Variants in RTN4 observed in about 807,000 individuals in gnomAD.
The protein encoded by RTN4 is reticulon-4.
In RTN4, 32 loss-of-function variants were observed where a neutral mutation model predicts 90.4. The observed-to-expected ratio is 0.35, with a 90% confidence interval of 0.27 to 0.48. The LOEUF is 0.48. Among genes scored for constraint, RTN4 ranks in the 20% least tolerant of loss-of-function variants. The pLI is 0.99. For synonymous variants in RTN4, 629 were observed against 552.5 expected, an observed-to-expected ratio of 1.14 and a Z score of -1.94; for missense variants, 1,706 against 1,430.2, an observed-to-expected ratio of 1.19 and a Z score of -3.11.
Position 55,025,589 on chromosome 2 carries a change from G to C in RTN4, c.2510C>G (p.Thr837Ser), listed in dbSNP as rs777540802. Reference protein sequence around the residue: ...KIPLQMEELSTAVYSNDDLFI... With the variant: ...KIPLQMEELSSAVYSNDDLFI... ...TAAGTCATCATTTGAATAAACTGCA[G>C]TACTGAGCTCCTCCATCTGCAAAGG... The change falls in exon 3 of 9, where the codon ACT becomes AGT. Residue 837 changes from threonine to serine, a missense_variant. Transcript: ENST00000337526. The C allele has an allele frequency of 2.5e-6, 4 of 1,613,646 alleles. No homozygotes were observed. In the South Asian group the frequency reaches 4.4e-5, roughly 18 times the overall value.
At chr2:55,049,517 G>A in intron 1 of RTN4, 1 of 689,638 alleles carries the variant, frequency 1.5e-6, no homozygotes, top group Non-Finnish European at 2.5e-6. Flanking sequence ...CGGGAGCGGT[G>A]CACGTGTTCC....
At chr2:54,979,990 T>A (rs1377299766) in intron 5 of RTN4, among the ~76,000 whole-genome samples, 1 of 152,162 alleles carries the variant, frequency 6.6e-6, no homozygotes, top group Non-Finnish European at 1.5e-5. Flanking sequence ...ATAATTTTAA[T>A]GAAAGTCCTT....
rs539741630 is a variant in RTN4 at position 55,005,727 on chromosome 2, T to C, written c.3014-18029A>G. ...ATATTTGGAAATATTTTGGAATACT[T>C]GCATATACGTAATGAGGTATCTTGG... is the stretch of plus-strand genomic sequence containing the variant. On this transcript the variant is annotated intron_variant, in intron 3 of 8. Transcript: ENST00000337526. Among the ~76,000 whole-genome samples the C allele has an allele frequency of 3.9e-5, 6 of 152,294 alleles. No individual in the cohort carries two copies. The South Asian group carries it at 1.2e-3, about 32-fold the overall frequency.
intron 3 of RTN4, among the ~76,000 whole-genome samples, chr2:54,998,722 G>A (rs192425135): frequency 1.3e-5 from 2 of 152,060 alleles, no homozygotes; most frequent in African/African-American, 4.8e-5. Flanking sequence ...TTTTAGAACA[G>A]AAACATTTAA....
chr2:55,107,202 A>T (rs79492546), intron 1 of RTN4, among the ~76,000 whole-genome samples: 2 of 146,632 alleles, frequency 1.4e-5, no homozygotes, highest in Non-Finnish European at 3.0e-5. Flanking sequence ...AGTTGCGTGT[A>T]TTTTTTTTTT....
At position 55,029,007 on chromosome 2, in the gene RTN4, T is replaced by C. The variant is rs6709600; in HGVS notation, c.557-787A>G. 8.0e-3 allele frequency among the ~76,000 whole-genome samples: 1,221 copies of C among 152,266 alleles called. 14 individuals carry two copies. The highest frequency in any genetic ancestry group is 0.028 in the African/African-American group (1,169 of 41,546). ...GTTAAAGCCCCAACCCCTAAAGTGA[T>C]AGTATCTGAAGATGGGGACTTTGGG... On this transcript the variant is annotated intron_variant, in intron 1 of 8. Coordinates refer to ENST00000337526, the MANE Select transcript of RTN4 (RefSeq NM_020532.5).
intron 2 of RTN4, among the ~76,000 whole-genome samples, chr2:55,069,105 G>C (rs575897624): frequency 6.6e-6 from 1 of 152,226 alleles, no homozygotes; most frequent in Non-Finnish European, 1.5e-5. Context: ...GGACCTTGCA[G>C]ACTTTCTGAA....
chr2:55,128,332 G>A, the RTN4 span, among the ~76,000 whole-genome samples: 1 of 152,116 alleles, frequency 6.6e-6, no homozygotes, highest in Admixed American at 6.5e-5. Flanking sequence ...CCCTCCTAGG[G>A]TGGAAGACAA....
chr2:54,989,321 G>C (rs987129561), intron 3 of RTN4, among the ~76,000 whole-genome samples: 4 of 152,104 alleles, frequency 2.6e-5, no homozygotes, highest in African/African-American at 9.7e-5. Context: ...ATATGATTTC[G>C]AAGTTTGTTT....
At position 55,027,493 on chromosome 2, in the gene RTN4, C is replaced by A. The variant is rs1003277003; in HGVS notation, c.614-8G>T. ...CCTTCAAGTCCATATTTTCTGTGACCATGGACAGAAAGGAAAGTTAGAGAA... is the reference window on the plus strand; with the variant it reads ...CCTTCAAGTCCATATTTTCTGTGACAATGGACAGAAAGGAAAGTTAGAGAA... On this transcript the variant is annotated splice_polypyrimidine_tract_variant and splice_region_variant and intron_variant, in intron 2 of 8. Coordinates refer to ENST00000337526, the MANE Select transcript of RTN4 (RefSeq NM_020532.5). 1.3e-6 allele frequency: 2 copies of A among 1,583,680 alleles called. No individual in the cohort carries two copies. Among genetic ancestry groups the A allele is most frequent in the African/African-American group, 2.7e-5 (2 of 73,472 alleles).
intron 2 of RTN4, among the ~76,000 whole-genome samples, chr2:55,071,750 A>G (rs980323866): frequency 6.6e-6 from 1 of 152,188 alleles, no homozygotes; most frequent in African/African-American, 2.4e-5. Context: ...AAAAACCACA[A>G]ACAAAACCCC....
intron 3 of RTN4, among the ~76,000 whole-genome samples, chr2:55,019,212 T>C (rs1368790452): frequency 6.6e-6 from 1 of 152,080 alleles, no homozygotes; most frequent in Non-Finnish European, 1.5e-5. Flanking sequence ...GAAATGGAGG[T>C]CTGCTGCTTA....
At chr2:55,011,141 C>A (rs918026750) in intron 3 of RTN4, among the ~76,000 whole-genome samples, 11 of 152,060 alleles carry the variant, frequency 7.2e-5, no homozygotes. Context: ...CTCAAGAGAT[C>A]CTCCCATCTC....
At chr2:55,127,542 C>A in the RTN4 span, among the ~76,000 whole-genome samples, 1,906 of 152,290 alleles carry the variant, frequency 0.013, 88 homozygotes, top group Admixed American at 0.092. Context: ...ACGCTAAGTC[C>A]ATATTATACT....
chr2:55,055,982 GTGTT>G (rs1332423478), intron 2 of RTN4, among the ~76,000 whole-genome samples: 48 of 55,774 alleles, frequency 8.6e-4, no homozygotes, highest in African/African-American at 4.0e-3. Context: ...ATACATATAT[GTGTT>G]TGTGTGTGTG....
chr2:55,117,730 C>T, the RTN4 span, among the ~76,000 whole-genome samples: 2 of 152,038 alleles, frequency 1.3e-5, no homozygotes, highest in Non-Finnish European at 2.9e-5. Context: ...CAAGAATAGG[C>T]AAACTACTCT....
chr2:54,987,707 T>C lies in RTN4; in HGVS notation c.3014-9A>G. The C allele has an allele frequency of 1.3e-6, 2 of 1,599,014 alleles. No individual in the cohort carries two copies. The highest frequency in any genetic ancestry group is 1.1e-5 in the South Asian group (1 of 89,558). ...GTACAGGAGGTCAACAACTAAAAAT[T>C]GAAAAAGAAATCTGAAATTAGAATG... On this transcript the variant is annotated splice_polypyrimidine_tract_variant and intron_variant, in intron 3 of 8. Coordinates refer to ENST00000337526, the MANE Select transcript of RTN4 (RefSeq NM_020532.5).
chr2:54,972,326 GATA>G lies in RTN4; in HGVS notation c.*827_*829del, dbSNP rs1234889248. Reference sequence around the variant, plus strand: ...AATAATTTCTTGCATAACAATGTTTGATATTTGCAAACAAACAACATTTTTGGA... The same window carrying G: ...AATAATTTCTTGCATAACAATGTTTGTTTGCAAACAAACAACATTTTTGGA... On this transcript the variant is annotated 3_prime_UTR_variant, in exon 9 of 9. Coordinates refer to ENST00000337526, the MANE Select transcript of RTN4 (RefSeq NM_020532.5). 5 of 152,712 alleles carry G rather than the reference GATA, an allele frequency of 3.3e-5. No individual in the cohort carries two copies. The highest frequency in any genetic ancestry group is 9.6e-5 in the African/African-American group (4 of 41,552). The allele number at this position is 152,712 out of a possible 1,614,324, so 9.5% of individuals were successfully genotyped here.
At chr2:54,980,344 C>T (rs1678017777) in intron 5 of RTN4, among the ~76,000 whole-genome samples, 3 of 146,626 alleles carry the variant, frequency 2.0e-5, no homozygotes, top group Admixed American at 6.8e-5. Context: ...CCTCTTGCCC[C>T]GTATCTACAC....
Sources: allele counts gnomAD v4.1 joint callset (sites outside exome capture counted in the v4.1 genomes callset), GRCh38; gene constraint gnomAD v4.1.1; transcripts MANE v1.5; gene names NCBI Gene and HGNC (gene_info 2026-07-23, HGNC 2026-07-21).